Variants in AFAP1L2 observed in about 807,000 individuals in gnomAD.
The protein encoded by AFAP1L2 is actin filament-associated protein 1-like 2.
AFAP1L2 carries 46 observed loss-of-function variants against 99.3 expected under a neutral mutation model. That is an observed-to-expected ratio of 0.46 (90% CI 0.37 to 0.59). The LOEUF (loss-of-function observed/expected upper bound fraction) is 0.59. Ranked by LOEUF, AFAP1L2 falls within the 20% of genes least tolerant of loss-of-function variation. AFAP1L2 has a pLI of 0.00. For missense variants in AFAP1L2, 959 were observed against 1,034.9 expected (o/e 0.93, Z 1.01); for synonymous variants, 397 against 419.1 (o/e 0.95, Z 0.64).
chr10:114,371,530 TA>T (rs1008765726), intron 1 of AFAP1L2, among the ~76,000 whole-genome samples: 1 of 151,542 alleles, frequency 6.6e-6, no homozygotes, highest in African/African-American at 2.4e-5. Context: ...TTTCTTTTTT[TA>T]AAAAAAACAA....
At chr10:114,286,358 C>T in the AFAP1L2 span, 1 of 1,613,762 alleles carries the variant, frequency 6.2e-7, no homozygotes, top group Non-Finnish European at 8.5e-7. Flanking sequence ...GGCGCGAGAG[C>T]TGCTCCTGCT....
At chr10:114,325,383 A>T (rs1259667583) in intron 4 of AFAP1L2, among the ~76,000 whole-genome samples, 2 of 152,158 alleles carry the variant, frequency 1.3e-5, no homozygotes, top group African/African-American at 4.8e-5. Flanking sequence ...AGCTGAGACG[A>T]AGAGGATCGA....
At chr10:114,286,360 G>A in the AFAP1L2 span, 2 of 1,613,818 alleles carry the variant, frequency 1.2e-6, no homozygotes, top group South Asian at 2.2e-5. Flanking sequence ...CGCGAGAGCT[G>A]CTCCTGCTGG....
In AFAP1L2 at chr10:114,386,206, G is replaced by A. The variant is rs374003195; in HGVS notation, c.16+18234C>T. ...CACCTTCAACGGAATATCTGTGAGG[G>A]GAAATGAGGGAAATGATGGAATATA... On this transcript the variant is annotated intron_variant, in intron 1 of 18. Transcript: ENST00000304129. 2.6e-5 allele frequency among the ~76,000 whole-genome samples: 4 copies of A among 152,180 alleles called. No individual in the cohort carries two copies. In the South Asian group the frequency reaches 8.3e-4, roughly 32 times the overall value.
chr10:114,323,209 T>C lies in AFAP1L2; in HGVS notation c.368A>G (p.Tyr123Cys), dbSNP rs1311015551. Reference protein sequence around the residue: ...AIPKTESPEGYYEEAEPYDTS... With the variant: ...AIPKTESPEGCYEEAEPYDTS... The stretch of plus-strand genomic sequence containing the variant: ...GTCATATGGCTCAGCCTCTTCATAG[T>C]AGCCCTCTGGAGACTCCGTCTTTGG... Residue 123 changes from tyrosine (Y) to cysteine (C), a missense_variant, in exon 5 of 19, where the codon TAC (tyrosine) becomes TGC (cysteine). By Grantham distance (194) the Tyr-to-Cys change is radical (BLOSUM62 -2). Coordinates refer to ENST00000304129, the MANE Select transcript of AFAP1L2 (RefSeq NM_001001936.3). The C allele has an allele frequency of 1.2e-6, 2 of 1,603,112 alleles. No individual in the cohort carries two copies. The highest frequency in any genetic ancestry group is 1.7e-5 in the Admixed American group (1 of 58,918).
intron 1 of AFAP1L2, among the ~76,000 whole-genome samples, chr10:114,381,512 A>T (rs902833292): frequency 1.4e-4 from 22 of 152,312 alleles, no homozygotes; most frequent in Admixed American, 1.1e-3. Context: ...AAAGCCATCA[A>T]ATTGTACACT....
downstream of AFAP1L2, among the ~76,000 whole-genome samples, chr10:114,290,609 G>A (rs757291361): frequency 1.3e-5 from 2 of 152,190 alleles, no homozygotes; most frequent in South Asian, 4.1e-4. Flanking sequence ...ATTCTAATGG[G>A]AAGACAGACA....
At chr10:114,286,604 CT>C in the AFAP1L2 span, 5 of 1,127,336 alleles carry the variant, frequency 4.4e-6, no homozygotes, top group Non-Finnish European at 6.1e-6. Context: ...CTGCCAGTGC[CT>C]CTTCTAGGGG....
Position 114,315,401 on chromosome 10 carries a change from A to G in AFAP1L2, c.612+159T>C, listed in dbSNP as rs1420808861. On this transcript the variant is annotated intron_variant, in intron 6 of 18. Coordinates refer to ENST00000304129, the MANE Select transcript of AFAP1L2 (RefSeq NM_001001936.3). ...AAGTACATTCATCCATACACACAAA[A>G]TCCTGTATACAATTTCAGATTAGGG... 2.6e-5 allele frequency among the ~76,000 whole-genome samples: 4 copies of G among 152,216 alleles called. No individual in the cohort carries two copies. The East Asian group carries it at 5.8e-4, about 22-fold the overall frequency.
chr10:114,289,992 CAAAAAA>C (rs35165936), downstream of AFAP1L2: 53 of 212,874 alleles, frequency 2.5e-4, no homozygotes, highest in Non-Finnish European at 2.9e-4. Flanking sequence ...GATTCTGCCT[CAAAAAA>C]AAAAAAAAAA....
At chr10:114,339,395 G>T (rs965916630) in intron 2 of AFAP1L2, among the ~76,000 whole-genome samples, 1 of 152,178 alleles carries the variant, frequency 6.6e-6, no homozygotes, top group Non-Finnish European at 1.5e-5. Context: ...TACAGTGAGC[G>T]GAGATCGCGC....
At position 114,295,222 on chromosome 10, in the gene AFAP1L2, ATC is replaced by A. The variant is rs2040019338; in HGVS notation, c.*818_*819del. 1.0e-6 allele frequency: 1 copy of A among 985,678 alleles called. No individual in the cohort carries two copies. Among genetic ancestry groups the A allele is most frequent in the South Asian group, 4.7e-5 (1 of 21,288 alleles). 61.1% of individuals were successfully genotyped at this position (985,678 alleles called of 1,614,324 possible). A position where few individuals can be genotyped will look rare whatever the true frequency, so the allele number is the denominator to read the frequency against. The stretch of plus-strand genomic sequence containing the variant: ...AAAAATGGCCTGACCACAGCAATGA[ATC>A]TGTAAACACAGAGTAATATTTTTCC... On this transcript the variant is annotated 3_prime_UTR_variant, in exon 19 of 19. Transcript: ENST00000304129.
intron 1 of AFAP1L2, 123 bp downstream of exon 1, chr10:114,404,317 G>T (rs2138625508): frequency 1.7e-6 from 2 of 1,152,944 alleles, no homozygotes; most frequent in Non-Finnish European, 2.5e-6. Context: ...CCAGGTCCGG[G>T]CTGGGTGGGG....
Position 114,296,138 on chromosome 10 carries a change from C to T in AFAP1L2, c.2431-70G>A, listed in dbSNP as rs950864375. 8 of 1,597,450 alleles carry T rather than the reference C, an allele frequency of 5.0e-6. No homozygotes were observed. In the African/African-American group the frequency reaches 9.4e-5, roughly 19 times the overall value. On this transcript the variant is annotated intron_variant, in intron 18 of 18. Coordinates refer to ENST00000304129, the MANE Select transcript of AFAP1L2 (RefSeq NM_001001936.3). ...ATAGTTAGTTATCCACTGTAGCAAC[C>T]TTGATATACATAGAAAAAATGTGAG...
In AFAP1L2 at chr10:114,333,233, A is replaced by G. The variant is rs768914148; in HGVS notation, c.208T>C (p.Ser70Pro). The change falls in exon 3 of 19, where the codon TCT becomes CCT. Residue 70 changes from serine (S) to proline (P), a missense_variant. By Grantham distance (74) the Ser-to-Pro change is moderately conservative. Coordinates refer to ENST00000304129, the MANE Select transcript of AFAP1L2 (RefSeq NM_001001936.3). ...VTINKQQNAE[S>P]QGKAPEEQGL... ...CCCAGCCTCATACCTTTGCCTTGAG[A>G]CTCTGCATTCTGTTGCTTGTTGATG... 4 of 1,613,420 alleles carry G rather than the reference A, an allele frequency of 2.5e-6. No homozygotes were observed. The South Asian group carries it at 4.4e-5, about 18-fold the overall frequency.
At chr10:114,325,862 C>T (rs1298085528) in intron 4 of AFAP1L2, 5 of 1,280,228 alleles carry the variant, frequency 3.9e-6, no homozygotes, top group Admixed American at 4.6e-5. Flanking sequence ...CTAGGGTCCA[C>T]AGGGAAAGGG....
At chr10:114,398,058 G>A (rs374743010) in intron 1 of AFAP1L2, among the ~76,000 whole-genome samples, 2 of 152,176 alleles carry the variant, frequency 1.3e-5, no homozygotes, top group East Asian at 1.9e-4. Context: ...AATGCAACGC[G>A]TCCAGGGGGA....
intron 1 of AFAP1L2, among the ~76,000 whole-genome samples, chr10:114,353,356 G>T (rs2050832196): frequency 6.6e-6 from 1 of 152,220 alleles, no homozygotes; most frequent in African/African-American, 2.4e-5. Flanking sequence ...TCAGTAATAT[G>T]TGGCCAAAGC....
intron 1 of AFAP1L2, among the ~76,000 whole-genome samples, chr10:114,388,035 T>C (rs2483912): frequency 0.45 from 68,040 of 151,976 alleles, 16,217 homozygotes; most frequent in East Asian, 0.56. Flanking sequence ...TTGTGGCACC[T>C]TGACCTCTTG....
Sources: allele counts gnomAD v4.1 joint callset (sites outside exome capture counted in the v4.1 genomes callset), GRCh38; gene constraint gnomAD v4.1.1; transcripts MANE v1.5; gene names NCBI Gene and HGNC (gene_info 2026-07-23, HGNC 2026-07-21).